The following PRPSAP1 variants were observed in gnomAD, a reference collection of about 807,000 sequenced individuals.
PRPSAP1 encodes phosphoribosyl pyrophosphate synthetase associated protein 1, also known as phosphoribosyl pyrophosphate synthase-associated protein 1.
A neutral mutation model predicts 39.4 loss-of-function variants in PRPSAP1; 31 were observed. The observed-to-expected ratio is 0.79, with a 90% confidence interval of 0.59 to 1.06. The LOEUF (loss-of-function observed/expected upper bound fraction) is 1.06, where lower values mean the gene tolerates loss of function less well. Ranked by LOEUF, PRPSAP1 falls within the 50% of genes least tolerant of loss-of-function variation. The pLI is 0.00. For missense variants in PRPSAP1, 430 were observed against 511.6 expected, an observed-to-expected ratio of 0.84 and a Z score of 1.54; for synonymous variants, 212 against 192.6, an observed-to-expected ratio of 1.10 and a Z score of -0.83.
At chr17:76,333,026 G>A (rs2071340627) in intron 3 of PRPSAP1, among the ~76,000 whole-genome samples, 1 of 152,046 alleles carries the variant, frequency 6.6e-6, no homozygotes, top group Admixed American at 6.6e-5. Flanking sequence ...CGAGTAGCTG[G>A]GACTACAGGC....
Position 76,341,522 on chromosome 17 carries a change from G to A in PRPSAP1, c.290+3149C>T, listed in dbSNP as rs186465388. Among the ~76,000 whole-genome samples, 282 of 152,276 alleles carry A rather than the reference G, an allele frequency of 1.9e-3. 1 individual carries two copies. The highest frequency in any genetic ancestry group is 2.7e-3 in the Non-Finnish European group (181 of 68,012). ...GTCTCAAAGTCCTGGGATTACAGGT[G>A]TGAGTCACTGTACCTGGCCAACAAG... On this transcript the variant is annotated intron_variant, in intron 3 of 9. Transcript: ENST00000446526.
chr17:76,342,898 T>G (rs919494612), intron 3 of PRPSAP1, among the ~76,000 whole-genome samples: 2 of 151,730 alleles, frequency 1.3e-5, no homozygotes, highest in African/African-American at 2.4e-5. Flanking sequence ...GCCAACATGG[T>G]AAAACCCCAT....
chr17:76,337,663 T>C (rs978685716), intron 3 of PRPSAP1, among the ~76,000 whole-genome samples: 3 of 152,200 alleles, frequency 2.0e-5, no homozygotes, highest in South Asian at 2.1e-4. Context: ...GAGAGTGCAG[T>C]AGCACCATCT....
At chr17:76,341,406 T>C (rs2071437119) in intron 3 of PRPSAP1, among the ~76,000 whole-genome samples, 1 of 151,880 alleles carries the variant, frequency 6.6e-6, no homozygotes, top group Non-Finnish European at 1.5e-5. Context: ...CCTGGCTAAT[T>C]TTCAAATTTT....
At chr17:76,334,583 G>A (rs418960) in intron 3 of PRPSAP1, among the ~76,000 whole-genome samples, 42,737 of 151,586 alleles carry the variant, frequency 0.28, 7,098 homozygotes, top group African/African-American at 0.46. Context: ...TTTCACCCTT[G>A]TAATTTGGAT....
intron 7 of PRPSAP1, among the ~76,000 whole-genome samples, chr17:76,321,256 T>TATAA (rs2071195062): frequency 6.6e-6 from 1 of 152,168 alleles, no homozygotes; most frequent in African/African-American, 2.4e-5. Context: ...ACCATGCTCA[T>TATAA]ATAAGATAGC....
At chr17:76,311,836 GT>G in intron 9 of PRPSAP1, 136 bp from the exon 10 acceptor site, 1 of 1,059,290 alleles carries the variant, frequency 9.4e-7, no homozygotes, top group Admixed American at 3.2e-5. Flanking sequence ...ACCGAGTATA[GT>G]TTTTATAAAC....
In PRPSAP1 at chr17:76,333,594, G is replaced by A. The variant is rs1437868982; in HGVS notation, c.291-1159C>T. ...TGGGAGGCAGAGGTTGCAGTGAGCC[G>A]AGATCATGCCACTGCACTCCAGCCT... On this transcript the variant is annotated intron_variant, in intron 3 of 9. Transcript: ENST00000446526. 4.0e-5 allele frequency among the ~76,000 whole-genome samples: 6 copies of A among 151,868 alleles called. No homozygotes were observed. In the East Asian group the frequency reaches 9.8e-4, roughly 25 times the overall value.
rs75971688 is a variant in PRPSAP1 at position 76,316,772 on chromosome 17, C to T, written c.782-2881G>A. Among the ~76,000 whole-genome samples, 126 of 152,310 alleles carry T rather than the reference C, an allele frequency of 8.3e-4. No individual in the cohort carries two copies. In the Middle Eastern group the frequency reaches 0.02, roughly 25 times the overall value. ...ATGTTTCCAATTCATCAAACGATTT[C>T]CAATGCTCTTATGAAGGATGTAGGA... On this transcript the variant is annotated intron_variant, in intron 7 of 9. Transcript: ENST00000446526.
chr17:76,341,075 A>T (rs2071431921), intron 3 of PRPSAP1, among the ~76,000 whole-genome samples: 1 of 152,042 alleles, frequency 6.6e-6, no homozygotes, highest in Non-Finnish European at 1.5e-5. Context: ...AATACATGTA[A>T]CAAAACAAAG....
chr17:76,330,451 G>C, intron 5 of PRPSAP1, 100 bp downstream of exon 5: 3 of 849,098 alleles, frequency 3.5e-6, no homozygotes, highest in Non-Finnish European at 5.5e-6. Flanking sequence ...TTAAGGGAGA[G>C]CTCATTTGAT....
chr17:76,343,290 A>C (rs2071460047), intron 3 of PRPSAP1, among the ~76,000 whole-genome samples: 1 of 152,222 alleles, frequency 6.6e-6, no homozygotes, highest in Non-Finnish European at 1.5e-5. Flanking sequence ...GTTCTCACTC[A>C]AGCAGGCCAG....
intron 3 of PRPSAP1, among the ~76,000 whole-genome samples, chr17:76,342,082 T>G (rs375566103): frequency 6.6e-6 from 1 of 152,102 alleles, no homozygotes; most frequent in African/African-American, 2.4e-5. Flanking sequence ...CTTCCCTCAA[T>G]ACCACAGGGC....
chr17:76,312,386 G>A (rs909314384), intron 9 of PRPSAP1, among the ~76,000 whole-genome samples: 4 of 151,382 alleles, frequency 2.6e-5, no homozygotes, highest in African/African-American at 7.3e-5. Context: ...GCAGTGAGCC[G>A]AGATTGCCAC....
chr17:76,329,180 C>T (rs534144932), intron 6 of PRPSAP1, among the ~76,000 whole-genome samples: 134 of 151,846 alleles, frequency 8.8e-4, no homozygotes, highest in African/African-American at 3.0e-3. Flanking sequence ...AGGTGATCCT[C>T]CCACCTCAAC....
intron 3 of PRPSAP1, among the ~76,000 whole-genome samples, chr17:76,333,432 C>T (rs941725180): frequency 6.6e-6 from 1 of 152,070 alleles, no homozygotes; most frequent in African/African-American, 2.4e-5. Context: ...TCGAAAACCT[C>T]CCTGGAGGCT....
At chr17:76,315,857 G>C (rs952945100) in intron 7 of PRPSAP1, among the ~76,000 whole-genome samples, 9 of 151,284 alleles carry the variant, frequency 5.9e-5, no homozygotes, top group African/African-American at 1.9e-4. Context: ...TGGGATTACA[G>C]GCACGTGCCA....
chr17:76,331,298 C>G (rs1023445031), intron 4 of PRPSAP1, among the ~76,000 whole-genome samples: 5 of 152,122 alleles, frequency 3.3e-5, no homozygotes, highest in Non-Finnish European at 7.4e-5. Context: ...ACCAGTATTA[C>G]TTGTTCTTTC....
chr17:76,319,237 C>G (rs2143463168), intron 7 of PRPSAP1: 1 of 152,166 alleles, frequency 6.6e-6, no homozygotes. Context: ...CACGCCTGGC[C>G]TATTTCTCGG....
Sources: gnomAD v4.1 joint callset for allele counts (sites outside exome capture counted in the v4.1 genomes callset) on GRCh38, gnomAD v4.1.1 for gene constraint, MANE v1.5 for transcripts, NCBI Gene and HGNC (gene_info 2026-07-23, HGNC 2026-07-21) for gene names.